ZNF814: variants seen among roughly 807,000 people sequenced by gnomAD.
ZNF814 encodes zinc finger protein 814.
In ZNF814, 5 loss-of-function variants were observed where a neutral mutation model predicts 7.5. That is an observed-to-expected ratio of 0.67 (90% CI 0.35 to 1.40). The LOEUF is 1.40. ZNF814 is among the 40% of genes most tolerant of loss of function. ZNF814 has a pLI of 0.04. For synonymous variants in ZNF814, 315 were observed against 340.7 expected (o/e 0.92, Z 0.83); for missense variants, 962 against 1,018.0 (o/e 0.94, Z 0.75).
chr19:57,877,355 A>G (rs976260799), intron 1 of ZNF814, among the ~76,000 whole-genome samples: 1 of 152,140 alleles, frequency 6.6e-6, no homozygotes, highest in Admixed American at 6.6e-5. Context: ...CATTCTTTAG[A>G]CTTCCAGGTA....
intron 1 of ZNF814, among the ~76,000 whole-genome samples, chr19:57,885,203 T>C (rs1342062644): frequency 6.6e-6 from 1 of 151,672 alleles, no homozygotes; most frequent in Non-Finnish European, 1.5e-5. Context: ...ACGTGTTTAG[T>C]CTCAGCTACT....
At chr19:57,878,799 T>A (rs2122444424) in intron 1 of ZNF814, among the ~76,000 whole-genome samples, 1 of 152,134 alleles carries the variant, frequency 6.6e-6, no homozygotes, top group South Asian at 2.1e-4. Context: ...AGTCATGGTG[T>A]CTCACACCTG....
chr19:57,878,904 TACATGCACACACACACACGCACACATAC>T (rs1267934783), intron 1 of ZNF814, among the ~76,000 whole-genome samples: 3 of 151,828 alleles, frequency 2.0e-5, no homozygotes, highest in Non-Finnish European at 2.9e-5. Flanking sequence ...TTTTTCTACA[TACATGCACACACACACACGCACACATAC>T]ACATGCACAC....
rs1378709365 is a variant in ZNF814 at position 57,875,204 on chromosome 19, A to G, written c.186T>C (p.Asp62=). Reference sequence around the variant, plus strand: ...TACTCTGCTTAGAAGGTGCCGCCTCATCTTCCACTCCACACCAACAACCTG... The same window carrying G: ...TACTCTGCTTAGAAGGTGCCGCCTCGTCTTCCACTCCACACCAACAACCTG... The part of the protein sequence containing the change: ...SSLGCWCGVE[D]EAAPSKQSIY... Residue 62 remains aspartate, a synonymous_variant, in exon 3 of 3, where the codon GAT becomes GAC. Coordinates refer to ENST00000435989, the MANE Select transcript of ZNF814 (RefSeq NM_001144989.2). 6.6e-7 allele frequency: 1 copy of G among 1,526,070 alleles called. No homozygotes were observed. Among genetic ancestry groups the G allele is most frequent in the Non-Finnish European group, 8.8e-7 (1 of 1,137,940 alleles). 94.5% of individuals were successfully genotyped at this position (1,526,070 alleles called of 1,614,324 possible).
At chr19:57,884,745 G>T (rs540712312) in intron 1 of ZNF814, among the ~76,000 whole-genome samples, 2 of 152,300 alleles carry the variant, frequency 1.3e-5, no homozygotes, top group East Asian at 3.9e-4. Context: ...ATATCCAAAA[G>T]ACAGGCAATA....
chr19:57,900,862 TTTTGAGACG>T, the ZNF814 span, among the ~76,000 whole-genome samples: 1 of 135,226 alleles, frequency 7.4e-6, no homozygotes, highest in Non-Finnish European at 1.6e-5. Context: ...TTTTTTTTTT[TTTTGAGACG>T]GAGTCTTGCT....
At chr19:57,892,782 C>T (rs889911600), upstream of ZNF814, among the ~76,000 whole-genome samples, 2 of 152,194 alleles carry the variant, frequency 1.3e-5, no homozygotes, top group Non-Finnish European at 2.9e-5. Flanking sequence ...AGCTCCTGGC[C>T]TTCCCCACCC....
chr19:57,901,081 C>T, the ZNF814 span, among the ~76,000 whole-genome samples: 2,404 of 151,676 alleles, frequency 0.016, 29 homozygotes, highest in Non-Finnish European at 0.027. Flanking sequence ...CGTGATCCGC[C>T]CGCCTTGGCC....
chr19:57,876,904 T>A lies in ZNF814; in HGVS notation c.163+12A>T. The A allele has an allele frequency of 6.2e-7, 1 of 1,614,042 alleles. No individual in the cohort carries two copies. The highest frequency in any genetic ancestry group is 8.5e-7 in the Non-Finnish European group (1 of 1,179,942). On this transcript the variant is annotated intron_variant, in intron 2 of 2. Coordinates refer to ENST00000435989, the MANE Select transcript of ZNF814 (RefSeq NM_001144989.2). ...ACTAGCTCAGGTCACAGGGTGAGTG[T>A]GAGCAACTTACCCAGGGAGGATATA...
At chr19:57,889,589 T>G (rs1258965902), upstream of ZNF814, among the ~76,000 whole-genome samples, 1 of 150,008 alleles carries the variant, frequency 6.7e-6, no homozygotes, top group South Asian at 2.1e-4. Flanking sequence ...AAGGGCCAGG[T>G]GCGGGCGGCT....
the ZNF814 span, among the ~76,000 whole-genome samples, chr19:57,894,630 C>A: frequency 4.0e-5 from 6 of 151,626 alleles, no homozygotes. Flanking sequence ...GAGATCCAGA[C>A]CATCCTGGCT....
chr19:57,890,043 A>G (rs1486124929), upstream of ZNF814, among the ~76,000 whole-genome samples: 1 of 151,946 alleles, frequency 6.6e-6, no homozygotes, highest in Non-Finnish European at 1.5e-5. Context: ...AGATGTTCCC[A>G]AAGGCTACAG....
intron 1 of ZNF814, among the ~76,000 whole-genome samples, chr19:57,882,680 G>A (rs532203390): frequency 7.2e-6 from 1 of 139,722 alleles, no homozygotes; most frequent in South Asian, 2.1e-4. Context: ...CTCTGAGTCT[G>A]CAAGAGTCAC....
intron 1 of ZNF814, among the ~76,000 whole-genome samples, chr19:57,878,800 C>T (rs1184332531): frequency 1.3e-5 from 2 of 152,082 alleles, no homozygotes; most frequent in Non-Finnish European, 2.9e-5. Context: ...GTCATGGTGT[C>T]TCACACCTGT....
At position 57,874,023 on chromosome 19, in the gene ZNF814, C is replaced by A; in HGVS notation, c.1367G>T (p.Arg456Leu). 2 of 1,613,144 alleles carry A rather than the reference C, an allele frequency of 1.2e-6. No homozygotes were observed. The highest frequency in any genetic ancestry group is 1.7e-5 in the Admixed American group (1 of 59,802). ...SSEGHLRSHQ[R>L]VHAGERPFKC... The stretch of plus-strand genomic sequence containing the variant: ...GAAAGGTCTTTCTCCGGCGTGAACT[C>A]GTTGATGGCTCCTAAGATGTCCTTC... Residue 456 changes from arginine to leucine, a missense_variant, in exon 3 of 3, where the codon CGA (arginine) becomes CTA (leucine). Around this residue, in one of 7 missense-constraint regions of ZNF814, gnomAD observed 665 missense variants for 551.4 expected, o/e 1.21. Transcript: ENST00000435989.
Position 57,875,943 on chromosome 19 carries a change from C to CTTTTTTTTT in ZNF814, c.164-726_164-718dup, listed in dbSNP as rs567660556. Among the ~76,000 whole-genome samples, 52 of 71,434 alleles carry CTTTTTTTTT rather than the reference C, an allele frequency of 7.3e-4. 3 individuals carry two copies. Among genetic ancestry groups the CTTTTTTTTT allele is most frequent in the Admixed American group, 1.1e-3 (6 of 5,524 alleles). The allele number at this position is 71,434 out of a possible 152,430, so 46.9% of individuals were successfully genotyped here. ...CTCCATGACCTCCTCCAGGGTGCCG[C>CTTTTTTTTT]TTTTTTTTTTTTTTTTTTTTTTTTT... On this transcript the variant is annotated intron_variant, in intron 2 of 2. Coordinates refer to ENST00000435989, the MANE Select transcript of ZNF814 (RefSeq NM_001144989.2).
chr19:57,882,882 C>G (rs1005533683), intron 1 of ZNF814, among the ~76,000 whole-genome samples: 30 of 151,990 alleles, frequency 2.0e-4, no homozygotes, highest in African/African-American at 6.8e-4. Context: ...CAACACCATC[C>G]AGGAAAACGT....
At chr19:57,889,207 G>A (rs562341581), upstream of ZNF814, 3 of 391,342 alleles carry the variant, frequency 7.7e-6, no homozygotes, top group South Asian at 1.3e-4. Context: ...TCCCAGAGGC[G>A]CTTCTGCAGG....
At position 57,872,801 on chromosome 19, in the gene ZNF814, ACTTT is replaced by A. The variant is rs1568516345; in HGVS notation, c.*17_*20del. On this transcript the variant is annotated 3_prime_UTR_variant, in exon 3 of 3. Coordinates refer to ENST00000435989, the MANE Select transcript of ZNF814 (RefSeq NM_001144989.2). ...AATGAGGTGGTCCTTCTTGCTAAAAACTTTCTGACAATCCTCACACTCATATGGC... is the reference window on the plus strand; with the variant it reads ...AATGAGGTGGTCCTTCTTGCTAAAAACTGACAATCCTCACACTCATATGGC... 1.9e-6 allele frequency: 3 copies of A among 1,605,420 alleles called. No homozygotes were observed. The highest frequency in any genetic ancestry group is 2.2e-5 in the East Asian group (1 of 44,600).
Sources: allele counts gnomAD v4.1 joint callset (sites outside exome capture counted in the v4.1 genomes callset), GRCh38; gene constraint gnomAD v4.1.1; regional missense constraint gnomAD v4.1.1; transcripts MANE v1.5; gene names NCBI Gene and HGNC (gene_info 2026-07-23, HGNC 2026-07-21).